The following TYW1 variants were observed in gnomAD, a reference collection of about 807,000 sequenced individuals.
TYW1 encodes tRNA-yW synthesizing protein 1 homolog.
TYW1 carries 46 observed loss-of-function variants against 96.2 expected under a neutral mutation model. The ratio of observed to expected loss-of-function variants is 0.48; its 90% CI spans 0.38 to 0.61. The LOEUF is 0.61. Among genes scored for constraint, TYW1 ranks in the 20% least tolerant of loss-of-function variants. The pLI is 0.00. For synonymous variants in TYW1, 274 were observed against 323.0 expected (o/e 0.85, Z 1.63); for missense variants, 684 against 909.6 (o/e 0.75, Z 3.19).
chr7:67,009,695 G>T lies in TYW1; in HGVS notation c.375+11G>T, dbSNP rs751745915. The T allele has an allele frequency of 1.3e-6, 2 of 1,579,302 alleles. No individual in the cohort carries two copies. Among genetic ancestry groups the T allele is most frequent in the Non-Finnish European group, 1.7e-6 (2 of 1,166,028 alleles). On this transcript the variant is annotated intron_variant, in intron 4 of 15. Transcript: ENST00000359626. ...CATCTGATAGAAGAGGTTGGTAATT[G>T]TCTTTTTCTTCAGTCAAAACTCTCA...
At chr7:67,171,857 A>G (rs1799524685) in intron 13 of TYW1, among the ~76,000 whole-genome samples, 1 of 151,744 alleles carries the variant, frequency 6.6e-6, no homozygotes, top group African/African-American at 2.4e-5. Context: ...TTGTATCTTT[A>G]TATTTAAGTT....
intron 15 of TYW1, among the ~76,000 whole-genome samples, chr7:67,218,154 C>T (rs946115353): frequency 1.8e-4 from 27 of 151,862 alleles, no homozygotes; most frequent in East Asian, 3.9e-4. Flanking sequence ...CCACCATGCC[C>T]GGCCAGTGTT....
At chr7:67,050,677 T>C (rs1387702311) in intron 8 of TYW1, among the ~76,000 whole-genome samples, 1 of 152,214 alleles carries the variant, frequency 6.6e-6, no homozygotes, top group Admixed American at 6.5e-5. Flanking sequence ...TTAATATCTA[T>C]GTCTATATTT....
intron 11 of TYW1, among the ~76,000 whole-genome samples, chr7:67,085,240 C>T (rs1162168975): frequency 6.6e-6 from 1 of 152,146 alleles, no homozygotes; most frequent in Non-Finnish European, 1.5e-5. Flanking sequence ...TCCCCTCACC[C>T]AAATCTCATC....
chr7:67,141,855 G>A (rs1798460381), intron 13 of TYW1, among the ~76,000 whole-genome samples: 1 of 152,276 alleles, frequency 6.6e-6, no homozygotes, highest in South Asian at 2.1e-4. Flanking sequence ...GACCAACATG[G>A]GGAGACGCCC....
chr7:67,046,242 TTC>T (rs950275163), intron 7 of TYW1, among the ~76,000 whole-genome samples: 1 of 152,170 alleles, frequency 6.6e-6, no homozygotes, highest in Non-Finnish European at 1.5e-5. Context: ...TGCTTCTTAA[TTC>T]TCTCTTTTCC....
At chr7:67,210,492 C>CATATCCA (rs1017543853) in intron 15 of TYW1, among the ~76,000 whole-genome samples, 34 of 152,296 alleles carry the variant, frequency 2.2e-4, no homozygotes, top group African/African-American at 7.9e-4. Context: ...GTGTGTGGTC[C>CATATCCA]ATATCCAAGG....
chr7:67,142,115 AGACAGG>A (rs1429164314), intron 13 of TYW1, among the ~76,000 whole-genome samples: 1 of 152,138 alleles, frequency 6.6e-6, no homozygotes, highest in African/African-American at 2.4e-5. Context: ...TATTATTTAG[AGACAGG>A]GACTTGTTCT....
intron 13 of TYW1, among the ~76,000 whole-genome samples, chr7:67,153,925 C>CTTTTTTTTTTTTT (rs34003922): frequency 7.7e-6 from 1 of 130,314 alleles, no homozygotes; most frequent in African/African-American, 2.8e-5. Flanking sequence ...TAACGACTTT[C>CTTTTTTTTTTTTT]TTTTTTTTTT....
intron 6 of TYW1, among the ~76,000 whole-genome samples, chr7:67,019,557 G>A (rs1281195212): frequency 6.6e-6 from 1 of 152,264 alleles, no homozygotes; most frequent in African/African-American, 2.4e-5. Flanking sequence ...CTAACTCCTG[G>A]CCTCGAGCAA....
chr7:67,048,352 G>A (rs553840308), intron 7 of TYW1, among the ~76,000 whole-genome samples: 111 of 150,896 alleles, frequency 7.4e-4, no homozygotes, highest in African/African-American at 2.6e-3. Flanking sequence ...AATAGACAGG[G>A]ACCAAGGGTG....
intron 9 of TYW1, among the ~76,000 whole-genome samples, chr7:67,065,966 C>T (rs1795848793): frequency 6.6e-6 from 1 of 151,604 alleles, no homozygotes; most frequent in Non-Finnish European, 1.5e-5. Flanking sequence ...GTTGAGATCA[C>T]ACTACTGCAC....
At chr7:67,114,404 C>T (rs1797525055) in intron 12 of TYW1, 1 of 153,118 alleles carries the variant, frequency 6.5e-6, no homozygotes, top group African/African-American at 2.4e-5. Context: ...AGAAAGGCAA[C>T]ATGGGAGAGG....
intron 15 of TYW1, among the ~76,000 whole-genome samples, chr7:67,202,330 A>C (rs1800629086): frequency 6.6e-6 from 1 of 152,172 alleles, no homozygotes; most frequent in African/African-American, 2.4e-5. Context: ...ACCTGAAACC[A>C]GAGAGGTCCG....
intron 6 of TYW1, among the ~76,000 whole-genome samples, chr7:67,021,494 A>G (rs1794271923): frequency 6.6e-6 from 1 of 152,250 alleles, no homozygotes; most frequent in African/African-American, 2.4e-5. Context: ...TACCCTTCAC[A>G]TTTGACTCAG....
At chr7:67,081,243 G>T in intron 10 of TYW1, among the ~76,000 whole-genome samples, 2 of 129,528 alleles carry the variant, frequency 1.5e-5, no homozygotes, top group African/African-American at 6.0e-5. Context: ...TTTTTTTCCA[G>T]CCCTTAGAAT....
chr7:67,220,466 G>A (rs1801353369), intron 15 of TYW1, among the ~76,000 whole-genome samples: 1 of 152,082 alleles, frequency 6.6e-6, no homozygotes, highest in South Asian at 2.1e-4. Context: ...GCCTCCCAAA[G>A]TGCTGGGATT....
intron 13 of TYW1, among the ~76,000 whole-genome samples, chr7:67,162,313 C>CA (rs60661089): frequency 0.13 from 13,031 of 101,070 alleles, 1,127 homozygotes; most frequent in Middle Eastern, 0.18. Context: ...GACTCTGTCT[C>CA]AAAAAAAAAA....
At chr7:67,201,231 T>G (rs1266375354) in intron 15 of TYW1, among the ~76,000 whole-genome samples, 2 of 146,578 alleles carry the variant, frequency 1.4e-5, no homozygotes, top group African/African-American at 5.3e-5. Context: ...CTCGGGAGGC[T>G]GAGGCGGGAG....
Sources: gnomAD v4.1 joint callset for allele counts (sites outside exome capture counted in the v4.1 genomes callset) on GRCh38, gnomAD v4.1.1 for gene constraint, MANE v1.5 for transcripts, NCBI Gene and HGNC (gene_info 2026-07-23, HGNC 2026-07-21) for gene names.